Variants in TRMT112 observed in about 807,000 individuals in gnomAD.
TRMT112 encodes tRNA methyltransferase activator subunit 11-2, also known as multifunctional methyltransferase subunit TRM112-like protein.
Under a neutral mutation model 13.8 loss-of-function variants are expected in TRMT112, and 9 were observed. The observed-to-expected ratio is 0.65, with a 90% CI of 0.39 to 1.14. The LOEUF is 1.14. Ranked by LOEUF, TRMT112 falls within the 50% of genes most tolerant of loss-of-function variation. The probability of loss-of-function intolerance (pLI) is 0.01; values close to 1 mark genes in which losing one functional copy is unlikely to be tolerated. For missense variants in TRMT112, 196 were observed against 165.5 expected, an observed-to-expected ratio of 1.18 and a Z score of -1.01; for synonymous variants, 64 against 67.0, an observed-to-expected ratio of 0.96 and a Z score of 0.22.
upstream of TRMT112, chr11:64,318,341 G>C: frequency 6.2e-7 from 1 of 1,612,314 alleles, no homozygotes. Context: ...CGTCTGGCGG[G>C]GTCCGCAGTT....
upstream of TRMT112, among the ~76,000 whole-genome samples, chr11:64,318,555 C>T (rs961105327): frequency 6.6e-6 from 1 of 152,136 alleles, no homozygotes. Flanking sequence ...TCTCGCCAAT[C>T]GTGGGGGCCT....
chr11:64,318,425 C>G, upstream of TRMT112: 1 of 1,570,972 alleles, frequency 6.4e-7, no homozygotes, highest in Non-Finnish European at 8.6e-7. Flanking sequence ...TCCCCCACTA[C>G]CCCCATGGCA....
At chr11:64,318,021 T>C, upstream of TRMT112, 1 of 1,414,216 alleles carries the variant, frequency 7.1e-7, no homozygotes, top group Non-Finnish European at 9.2e-7. Flanking sequence ...TGTAGTTGCG[T>C]CGGCTGTCCA....
rs753135764 is a variant in TRMT112 at position 64,316,876 on chromosome 11, C to G, written c.363G>C (p.Glu121Asp). Residue 121 changes from glutamate to aspartate, a missense_variant, in exon 4 of 4, where the codon GAG becomes GAC. Glu to Asp is a conservative substitution (Grantham distance 45). Coordinates refer to ENST00000544844, the MANE Select transcript of TRMT112 (RefSeq NM_016404.3). ...CCTGGCACAATCAACTCTCAGTTTC[C>G]TCTTCACTCAGCAGCATGTTGGGGA... ...RGIPNMLLSE[E>D]ETES 1.3e-6 allele frequency: 2 copies of G among 1,596,226 alleles called. No individual in the cohort carries two copies. The highest frequency in any genetic ancestry group is 1.7e-6 in the Non-Finnish European group (2 of 1,165,320).
upstream of TRMT112, chr11:64,318,317 T>G (rs760363588): frequency 6.2e-7 from 1 of 1,612,528 alleles, no homozygotes. Flanking sequence ...GACGGTACAG[T>G]GAAGGAGAGT....
At chr11:64,318,317 TGAA>T (rs766981427), upstream of TRMT112, 56 of 1,612,410 alleles carry the variant, frequency 3.5e-5, no homozygotes, top group Non-Finnish European at 1.9e-5. Context: ...GACGGTACAG[TGAA>T]GGAGAGTGGG....
Position 64,317,011 on chromosome 11 carries a change from T to A in TRMT112, c.271-43A>T, listed in dbSNP as rs200678932. On this transcript the variant is annotated intron_variant, in intron 3 of 3. Transcript: ENST00000544844. Reference sequence around the variant, plus strand: ...CAGAGCTGAGCACTGGCAGCCTCAGTGCGGGAGGCAGGTGGCCCGGGAAGC... The same window carrying A: ...CAGAGCTGAGCACTGGCAGCCTCAGAGCGGGAGGCAGGTGGCCCGGGAAGC... 1.0e-4 allele frequency: 168 copies of A among 1,611,604 alleles called. No homozygotes were observed. The East Asian group carries it at 3.7e-3, about 35-fold the overall frequency.
At chr11:64,317,973 C>T, upstream of TRMT112, 1 of 1,401,746 alleles carries the variant, frequency 7.1e-7, no homozygotes, top group Non-Finnish European at 9.2e-7. Flanking sequence ...TTCCTATATG[C>T]AAATTAGCTG....
chr11:64,317,408 AC>A (rs1166279054), intron 1 of TRMT112, 40 bp downstream of exon 1: 3 of 1,613,940 alleles, frequency 1.9e-6, no homozygotes. Context: ...ACCCCGGCCC[AC>A]CATCCCGCCC....
upstream of TRMT112, chr11:64,318,421 A>T (rs200384441): frequency 5.7e-6 from 9 of 1,578,020 alleles, no homozygotes; most frequent in African/African-American, 2.7e-5. Context: ...GACATCCCCC[A>T]CTACCCCCAT....
upstream of TRMT112, chr11:64,318,311 G>A (rs2035372482): frequency 1.6e-5 from 26 of 1,612,632 alleles, no homozygotes; most frequent in Non-Finnish European, 2.2e-5. Context: ...CAGCAAGACG[G>A]TACAGTGAAG....
Position 64,316,564 on chromosome 11 carries a change from C to G in TRMT112, c.*297G>C, listed in dbSNP as rs2035273664. 1 of 355,928 alleles carries G rather than the reference C, an allele frequency of 2.8e-6. No homozygotes were observed. The highest frequency in any genetic ancestry group is 4.4e-5 in the Admixed American group (1 of 22,534). The allele number at this position is 355,928 out of a possible 1,614,324, so 22.0% of individuals were successfully genotyped here. On this transcript the variant is annotated 3_prime_UTR_variant, in exon 4 of 4. Transcript: ENST00000544844. ...AGCACTGCCTCTATGCCCTGCAGAG[C>G]AATAACACTATATTTATTTTTGGGT... is the stretch of plus-strand genomic sequence containing the variant.
rs2035273557 is a variant in TRMT112, at chr11:64,316,563, G to A, written c.*298C>T. The stretch of plus-strand genomic sequence containing the variant: ...GAGCACTGCCTCTATGCCCTGCAGA[G>A]CAATAACACTATATTTATTTTTGGG... On this transcript the variant is annotated 3_prime_UTR_variant, in exon 4 of 4. Coordinates refer to ENST00000544844, the MANE Select transcript of TRMT112 (RefSeq NM_016404.3). 1 of 352,940 alleles carries A rather than the reference G, an allele frequency of 2.8e-6. No homozygotes were observed. Among genetic ancestry groups the A allele is most frequent in the Non-Finnish European group, 5.3e-6 (1 of 188,822 alleles). The allele number at this position is 352,940 out of a possible 1,614,324, so 21.9% of individuals were successfully genotyped here.
chr11:64,318,141 T>C (rs1265807274), upstream of TRMT112: 1 of 1,585,880 alleles, frequency 6.3e-7, no homozygotes, highest in African/African-American at 1.4e-5. Flanking sequence ...GTGTCGCCGC[T>C]GTGCCGCTAG....
At chr11:64,318,100 G>T (rs1409024759), upstream of TRMT112, 1 of 1,489,042 alleles carries the variant, frequency 6.7e-7, no homozygotes, top group Admixed American at 2.5e-5. Flanking sequence ...CGCCTGCGCA[G>T]TGGAGGCGGC....
At chr11:64,318,047 G>A (rs973636594), upstream of TRMT112, 119 of 1,433,838 alleles carry the variant, frequency 8.3e-5, 2 homozygotes, top group East Asian at 2.6e-3. Flanking sequence ...CAGTGCAAAC[G>A]AGGCGTGGGT....
In TRMT112 at chr11:64,316,931, G is replaced by A; in HGVS notation, c.308C>T (p.Ser103Phe). Residue 103 changes from serine to phenylalanine, a missense_variant, in exon 4 of 4, where the codon TCT (serine) becomes TTT (phenylalanine). Physicochemically the swap from Ser to Phe is radical, Grantham distance 155. Coordinates refer to ENST00000544844, the MANE Select transcript of TRMT112 (RefSeq NM_016404.3). Reference sequence around the variant, plus strand: ...GCGGCTGATGGGGAACATACGTCCAGATTCCGGGCACTGCAGGGTGCCCTC... The same window carrying A: ...GCGGCTGATGGGGAACATACGTCCAAATTCCGGGCACTGCAGGGTGCCCTC... ...VIEGTLQCPE[S>F]GRMFPISRGI... 1 of 1,613,260 alleles carries A rather than the reference G, an allele frequency of 6.2e-7. No homozygotes were observed. The highest frequency in any genetic ancestry group is 8.5e-7 in the Non-Finnish European group (1 of 1,179,348).
At position 64,317,542 on chromosome 11, in the gene TRMT112, C is replaced by T. The variant is rs1328689458; in HGVS notation, c.-16G>A. 1 of 1,537,584 alleles carries T rather than the reference C, an allele frequency of 6.5e-7. No individual in the cohort carries two copies. Among genetic ancestry groups the T allele is most frequent in the Non-Finnish European group, 8.8e-7 (1 of 1,134,364 alleles). On this transcript the variant is annotated 5_prime_UTR_variant, in exon 1 of 4. Transcript: ENST00000544844. ...GCAGTTTCATGTCGCCGCACAAACT[C>T]TCGCCAGGCCGGAACCGGAAAAAGG...
chr11:64,317,402 C>G (rs1315386810), intron 1 of TRMT112, 37 bp from the exon 2 acceptor site: 1 of 1,613,846 alleles, frequency 6.2e-7, no homozygotes, highest in Non-Finnish European at 8.5e-7. Flanking sequence ...CACTGGACCC[C>G]GGCCCACCAT....
Sources: allele counts gnomAD v4.1 joint callset (sites outside exome capture counted in the v4.1 genomes callset), GRCh38; gene constraint gnomAD v4.1.1; transcripts MANE v1.5; gene names NCBI Gene and HGNC (gene_info 2026-07-23, HGNC 2026-07-21).